IGSF21: variants seen among roughly 807,000 people sequenced by gnomAD.
The protein encoded by IGSF21 is immunoglobin superfamily member 21.
In IGSF21, 28 loss-of-function variants were observed where a neutral mutation model predicts 46.8. The observed-to-expected ratio is 0.60, with a 90% CI of 0.44 to 0.82. IGSF21 has a LOEUF of 0.82. IGSF21 is among the 40% of genes least tolerant of loss of function. IGSF21 has a pLI of 0.00. For synonymous variants in IGSF21, 284 were observed against 273.6 expected, an observed-to-expected ratio of 1.04 and a Z score of -0.38; for missense variants, 624 against 665.5, an observed-to-expected ratio of 0.94 and a Z score of 0.69.
chr1:18,292,512 G>A (rs1475135385), intron 3 of IGSF21, among the ~76,000 whole-genome samples: 2 of 152,212 alleles, frequency 1.3e-5, no homozygotes, highest in Non-Finnish European at 2.9e-5. Flanking sequence ...AGTCGGAGAT[G>A]CTTGATTTTC....
intron 1 of IGSF21, among the ~76,000 whole-genome samples, chr1:18,208,395 A>ATATATATATATATT (rs369367032): frequency 2.4e-5 from 3 of 123,764 alleles, no homozygotes; most frequent in Non-Finnish European, 5.3e-5. Flanking sequence ...ATATATATAT[A>ATATATATATATATT]TTTTTTGAGA....
chr1:18,341,653 A>C (rs1270441377), intron 4 of IGSF21, among the ~76,000 whole-genome samples: 9 of 152,206 alleles, frequency 5.9e-5, no homozygotes, highest in Admixed American at 5.9e-4. Context: ...AGAAATTGAG[A>C]GGTAATGTCA....
intron 4 of IGSF21, among the ~76,000 whole-genome samples, chr1:18,355,950 C>T (rs1281542519): frequency 6.6e-6 from 1 of 151,240 alleles, no homozygotes; most frequent in Non-Finnish European, 1.5e-5. Context: ...ATTCTCCTGC[C>T]TCATCCTTCT....
chr1:18,276,805 C>T (rs2124551321), intron 2 of IGSF21, among the ~76,000 whole-genome samples: 2 of 152,304 alleles, frequency 1.3e-5, no homozygotes, highest in Middle Eastern at 6.8e-3. Context: ...CCCACCCTTC[C>T]CGCTGCCTGC....
At chr1:18,319,089 T>C (rs1157892591) in intron 3 of IGSF21, among the ~76,000 whole-genome samples, 1 of 152,242 alleles carries the variant, frequency 6.6e-6, no homozygotes, top group African/African-American at 2.4e-5. Context: ...TTTATTTTTC[T>C]TTCTCCTAAG....
intron 3 of IGSF21, among the ~76,000 whole-genome samples, chr1:18,316,502 A>G (rs752136393): frequency 2.0e-5 from 3 of 152,126 alleles, no homozygotes; most frequent in Non-Finnish European, 4.4e-5. Context: ...TCTGGTGTGA[A>G]CAATTCTCCT....
intron 6 of IGSF21, among the ~76,000 whole-genome samples, chr1:18,373,407 C>A (rs147874523): frequency 6.6e-6 from 1 of 152,092 alleles, no homozygotes; most frequent in African/African-American, 2.4e-5. Context: ...GGGCCAGGCT[C>A]GGAGTGTCAG....
intron 1 of IGSF21, 62 bp downstream of exon 1, chr1:18,108,260 G>T: frequency 1.5e-6 from 2 of 1,306,322 alleles, no homozygotes; most frequent in South Asian, 4.2e-5. Context: ...GGGGTGCCGG[G>T]GGAGGGCGCT....
chr1:18,117,663 C>G (rs2086199470), intron 1 of IGSF21, among the ~76,000 whole-genome samples: 1 of 152,160 alleles, frequency 6.6e-6, no homozygotes, highest in African/African-American at 2.4e-5. Flanking sequence ...GGCTCCCCAC[C>G]ATGTGGTAGG....
At chr1:18,165,133 A>G (rs2086666686) in intron 1 of IGSF21, among the ~76,000 whole-genome samples, 1 of 151,982 alleles carries the variant, frequency 6.6e-6, no homozygotes, top group African/African-American at 2.4e-5. Context: ...AATTTCTAGG[A>G]ACTTTTCATA....
At chr1:18,313,343 A>T (rs909289974) in intron 3 of IGSF21, among the ~76,000 whole-genome samples, 1 of 152,184 alleles carries the variant, frequency 6.6e-6, no homozygotes, top group African/African-American at 2.4e-5. Flanking sequence ...CAAGAGTGAG[A>T]TGTTAGAGCC....
rs147006080 is a variant in IGSF21, at chr1:18,171,791, A to G, written c.71-56107A>G. ...GTAATTCCCCTTCCCCCATGTGGAT[A>G]TGGACTTCACGGGGGTGGCACCAAC... On this transcript the variant is annotated intron_variant, in intron 1 of 9. Coordinates refer to ENST00000251296, the MANE Select transcript of IGSF21 (RefSeq NM_032880.5). Among the ~76,000 whole-genome samples, 494 of 152,312 alleles carry G rather than the reference A, an allele frequency of 3.2e-3. 1 individual carries two copies. Among genetic ancestry groups the G allele is most frequent in the African/African-American group, 0.011 (465 of 41,558 alleles).
intron 8 of IGSF21, 100 bp downstream of exon 8, chr1:18,377,092 T>G: frequency 3.8e-6 from 5 of 1,315,000 alleles, no homozygotes; most frequent in Non-Finnish European, 5.1e-6. Flanking sequence ...CCCAAAATTT[T>G]GGGCCTAAAT....
Position 18,335,791 on chromosome 1 carries a change from A to G in IGSF21, c.424+781A>G, listed in dbSNP as rs1224664130. Among the ~76,000 whole-genome samples the G allele has an allele frequency of 6.6e-6, 1 of 152,212 alleles. No individual in the cohort carries two copies. The highest frequency in any genetic ancestry group is 6.5e-5 in the Admixed American group (1 of 15,286). ...ATGAAAGCATAAAGGCCCTGCTGAA[A>G]GCCGCCGCTTCTGGGGAAATTGAAA... On this transcript the variant is annotated intron_variant, in intron 4 of 9. Coordinates refer to ENST00000251296, the MANE Select transcript of IGSF21 (RefSeq NM_032880.5). The surrounding 1 kb of genome is among the most constrained non-coding windows in gnomAD (Gnocchi z 4.8).
chr1:18,173,632 T>C (rs913465723), intron 1 of IGSF21, among the ~76,000 whole-genome samples: 2 of 152,272 alleles, frequency 1.3e-5, no homozygotes, highest in Non-Finnish European at 2.9e-5. Context: ...GATTTAGCCA[T>C]GTGGTTACAC....
intron 3 of IGSF21, among the ~76,000 whole-genome samples, chr1:18,302,484 C>A (rs1386220789): frequency 6.6e-6 from 1 of 152,226 alleles, no homozygotes; most frequent in Non-Finnish European, 1.5e-5. Flanking sequence ...CTCTTCTCCT[C>A]TTGTTCCTTG....
chr1:18,338,688 C>T (rs942379637), intron 4 of IGSF21, among the ~76,000 whole-genome samples: 13 of 152,314 alleles, frequency 8.5e-5, no homozygotes, highest in South Asian at 2.1e-4. Flanking sequence ...TGTAATTTCA[C>T]GCCTATAACA....
Position 18,233,946 on chromosome 1 carries a change from T to C in IGSF21, c.183+5936T>C, listed in dbSNP as rs114753580. 3.7e-3 allele frequency among the ~76,000 whole-genome samples: 560 copies of C among 152,264 alleles called. 1 individual carries two copies. Among genetic ancestry groups the C allele is most frequent in the Non-Finnish European group, 6.7e-3 (458 of 68,016 alleles). ...TCTCAGTCCCAGCCCTTCACAATGT[T>C]TCATTATTTGAAGCAAAACTGAAAA... On this transcript the variant is annotated intron_variant, in intron 2 of 9. Coordinates refer to ENST00000251296, the MANE Select transcript of IGSF21 (RefSeq NM_032880.5).
At chr1:18,135,039 G>A (rs1486547283) in intron 1 of IGSF21, among the ~76,000 whole-genome samples, 1 of 152,196 alleles carries the variant, frequency 6.6e-6, no homozygotes, top group Non-Finnish European at 1.5e-5. Flanking sequence ...TAGTGAGCTG[G>A]GGTATTGAGC....
Sources: gnomAD v4.1 joint callset for allele counts (sites outside exome capture counted in the v4.1 genomes callset) on GRCh38, gnomAD v4.1.1 for gene constraint, Gnocchi (gnomAD v3.1) non-coding constraint, MANE v1.5 for transcripts, NCBI Gene and HGNC (gene_info 2026-07-23, HGNC 2026-07-21) for gene names.